Variants in RIC8B observed in about 807,000 individuals in gnomAD.
RIC8B encodes chaperone Ric-8B.
A neutral mutation model predicts 57.5 loss-of-function variants in RIC8B; 16 were observed. That is an observed-to-expected ratio of 0.28 (90% CI 0.19 to 0.42). The LOEUF is 0.42. Ranked by LOEUF, RIC8B falls within the 10% of genes least tolerant of loss-of-function variation. The pLI is 1.00. For synonymous variants in RIC8B, 216 were observed against 250.8 expected (o/e 0.86, Z 1.31); for missense variants, 481 against 677.0 (o/e 0.71, Z 3.21).
chr12:106,832,296 T>A (rs1301481540), intron 4 of RIC8B, among the ~76,000 whole-genome samples: 2 of 152,196 alleles, frequency 1.3e-5, no homozygotes, highest in African/African-American at 4.8e-5. Flanking sequence ...TTTCTCTCCT[T>A]CATTAAATTG....
intron 1 of RIC8B, among the ~76,000 whole-genome samples, chr12:106,780,142 A>G (rs1359708457): frequency 6.6e-6 from 1 of 152,156 alleles, no homozygotes; most frequent in African/African-American, 2.4e-5. Context: ...CAGGCTATTT[A>G]TGTTAGAGGA....
intron 9 of RIC8B, among the ~76,000 whole-genome samples, chr12:106,885,532 G>A (rs1593428539): frequency 6.7e-6 from 1 of 149,070 alleles, no homozygotes; most frequent in South Asian, 2.1e-4. Flanking sequence ...TGGGGCAGGT[G>A]AAATTTTGGC....
Position 106,879,778 on chromosome 12 carries a change from A to C in RIC8B, c.1572-6126A>C. The C allele has an allele frequency of 5.1e-6, 5 of 985,344 alleles. No individual in the cohort carries two copies. The highest frequency in any genetic ancestry group is 6.0e-6 in the Non-Finnish European group (5 of 829,922). The allele number at this position is 985,344 out of a possible 1,614,324, so 61.0% of individuals were successfully genotyped here. A position where few individuals can be genotyped will look rare whatever the true frequency, so the allele number is the denominator to read the frequency against. ...TCTAAATGATGTTTCGTTCCAGTTG[A>C]ACATTCTTGGAGGCTTATCTCTTCC... On this transcript the variant is annotated intron_variant, in intron 9 of 9. Transcript: ENST00000392837. The surrounding 1 kb of genome is among the most constrained non-coding windows in gnomAD (Gnocchi z 4.9).
chr12:106,851,324 T>C, intron 6 of RIC8B, 126 bp from the exon 7 acceptor site: 1 of 388,566 alleles, frequency 2.6e-6, no homozygotes, highest in Non-Finnish European at 4.1e-6. Flanking sequence ...CCTTTTTTTT[T>C]TTTTTTTTTT....
chr12:106,826,525 C>T (rs756056559), intron 4 of RIC8B, among the ~76,000 whole-genome samples: 27 of 151,932 alleles, frequency 1.8e-4, no homozygotes, highest in South Asian at 4.2e-4. Context: ...AGTCCAAGGC[C>T]GGTGGATCAC....
rs148067061 is a variant in RIC8B at position 106,857,747 on chromosome 12, A to T, written c.1307-2521A>T. On this transcript the variant is annotated intron_variant, in intron 7 of 9. Coordinates refer to ENST00000392837, the MANE Select transcript of RIC8B (RefSeq NM_001330145.2). ...TACTACTTTCCCAGTATCAAATAGG[A>T]TATTTTATGGTGTATTTGAAAACAG... 8.3e-4 allele frequency among the ~76,000 whole-genome samples: 127 copies of T among 152,282 alleles called. 1 individual carries two copies. Among genetic ancestry groups the T allele is most frequent in the African/African-American group, 2.8e-3 (118 of 41,550 alleles).
chr12:106,816,863 A>G (rs1487195810), intron 3 of RIC8B, among the ~76,000 whole-genome samples: 2 of 152,206 alleles, frequency 1.3e-5, no homozygotes, highest in Admixed American at 1.3e-4. Context: ...AGTAGCAAAT[A>G]CTCATTCTGT....
At position 106,886,462 on chromosome 12, in the gene RIC8B, T is replaced by C. The variant is rs1320357255; in HGVS notation, c.*447T>C. On this transcript the variant is annotated 3_prime_UTR_variant, in exon 10 of 10. Coordinates refer to ENST00000392837, the MANE Select transcript of RIC8B (RefSeq NM_001330145.2). ...AATAAAGCCTTGGGCAAGCGACTTCTTAGATCAGAACTCACCAAATGGAAG... is the reference window on the plus strand; with the variant it reads ...AATAAAGCCTTGGGCAAGCGACTTCCTAGATCAGAACTCACCAAATGGAAG... 1.3e-5 allele frequency: 2 copies of C among 156,884 alleles called. No homozygotes were observed. Among genetic ancestry groups the C allele is most frequent in the African/African-American group, 2.4e-5 (1 of 41,498 alleles). The allele number at this position is 156,884 out of a possible 1,614,324, so 9.7% of individuals were successfully genotyped here.
At chr12:106,822,749 C>T (rs1031502769) in intron 3 of RIC8B, 2 of 152,234 alleles carry the variant, frequency 1.3e-5, no homozygotes, top group Non-Finnish European at 2.9e-5. Flanking sequence ...TGGGGACCAG[C>T]AGTGGTACAC....
chr12:106,851,494 C>T lies in RIC8B; in HGVS notation c.1206C>T (p.Gly402=). 6.2e-7 allele frequency: 1 copy of T among 1,613,688 alleles called. No homozygotes were observed. Among genetic ancestry groups the T allele is most frequent in the South Asian group, 1.1e-5 (1 of 91,056 alleles). The part of the protein sequence containing the change: ...LRDVTNRPEV[G]STVRNKLVRL... ...ATGTGACAAATCGACCTGAAGTTGG[C>T]TCAACTGTGAGAAATAAGCTGGTGC... Residue 402 remains glycine, a synonymous_variant, in exon 7 of 10, where the codon GGC becomes GGT. Transcript: ENST00000392837.
At chr12:106,806,907 C>A (rs1380935735) in intron 2 of RIC8B, among the ~76,000 whole-genome samples, 1 of 152,178 alleles carries the variant, frequency 6.6e-6, no homozygotes, top group African/African-American at 2.4e-5. Context: ...AGGGCTCCAG[C>A]CACATACATT....
chr12:106,780,223 C>T lies in RIC8B; in HGVS notation c.85-3774C>T, dbSNP rs565402372. On this transcript the variant is annotated intron_variant, in intron 1 of 9. Coordinates refer to ENST00000392837, the MANE Select transcript of RIC8B (RefSeq NM_001330145.2). The stretch of plus-strand genomic sequence containing the variant: ...CATCAACTATGATGATAACCAGAGA[C>T]GTGGCTTGGTGGCCCTGCAGGCCAC... Among the ~76,000 whole-genome samples, 125 of 152,194 alleles carry T rather than the reference C, an allele frequency of 8.2e-4. 1 individual carries two copies. The highest frequency in any genetic ancestry group is 3.4e-3 in the Middle Eastern group (1 of 294).
chr12:106,828,295 C>T (rs571548260), intron 4 of RIC8B, among the ~76,000 whole-genome samples: 2 of 152,086 alleles, frequency 1.3e-5, no homozygotes, highest in South Asian at 4.1e-4. Flanking sequence ...TGATTAGTAT[C>T]ATTTTGAGCA....
At position 106,867,980 on chromosome 12, in the gene RIC8B, C is replaced by CAGAT. The variant is rs906831589; in HGVS notation, c.1452-2840_1452-2837dup. Among the ~76,000 whole-genome samples, 19 of 152,308 alleles carry CAGAT rather than the reference C, an allele frequency of 1.2e-4. No individual in the cohort carries two copies. The highest frequency in any genetic ancestry group is 7.9e-4 in the Admixed American group (12 of 15,284). On this transcript the variant is annotated intron_variant, in intron 8 of 9. Coordinates refer to ENST00000392837, the MANE Select transcript of RIC8B (RefSeq NM_001330145.2). This position sits in a 1 kb window ranked among gnomAD's most constrained non-coding sequence, Gnocchi z 4.3. ...AATTTCTGCCTTCTGCTTTTATACTCAGATAGCAAGAATTGTGTTACTTTA... is the reference window on the plus strand; with the variant it reads ...AATTTCTGCCTTCTGCTTTTATACTCAGATAGATAGCAAGAATTGTGTTACTTTA...
intron 2 of RIC8B, among the ~76,000 whole-genome samples, chr12:106,800,232 G>A (rs2044669127): frequency 6.6e-6 from 1 of 152,058 alleles, no homozygotes; most frequent in Admixed American, 6.6e-5. Context: ...GGTTTAATTG[G>A]CTCACAGTTC....
chr12:106,783,249 T>C (rs554399403), intron 1 of RIC8B, among the ~76,000 whole-genome samples: 1 of 152,340 alleles, frequency 6.6e-6, no homozygotes, highest in Non-Finnish European at 1.5e-5. Flanking sequence ...TTGTGCTTTA[T>C]ATACATGCCT....
chr12:106,843,849 TAG>T lies in RIC8B; in HGVS notation c.1066-2_1066-1del. On this transcript the variant is annotated splice_acceptor_variant, in intron 5 of 9. Transcript: ENST00000392837. LOFTEE classifies it high-confidence loss of function. ...CAAAAACATATGGTTTTTTTTTTTA[TAG>T]GGAAGCAGCTATAGAGAGGGTCTAA... The T allele has an allele frequency of 2.5e-6, 4 of 1,590,194 alleles. No individual in the cohort carries two copies. Among genetic ancestry groups the T allele is most frequent in the Middle Eastern group, 1.7e-4 (1 of 5,954 alleles).
intron 3 of RIC8B, among the ~76,000 whole-genome samples, chr12:106,818,946 A>C (rs978919444): frequency 1.3e-5 from 2 of 151,716 alleles, no homozygotes; most frequent in Non-Finnish European, 2.9e-5. Context: ...TTATATTTTT[A>C]GTAGAGATGG....
chr12:106,871,255 T>G (rs1350156696), intron 9 of RIC8B: 2 of 196,164 alleles, frequency 1.0e-5, no homozygotes, highest in Non-Finnish European at 2.0e-5. Flanking sequence ...ATTTTGCTGC[T>G]GCTTGTATTT....
Sources: gnomAD v4.1 joint callset for allele counts (sites outside exome capture counted in the v4.1 genomes callset) on GRCh38, gnomAD v4.1.1 for gene constraint, Gnocchi (gnomAD v3.1) non-coding constraint, MANE v1.5 for transcripts, NCBI Gene and HGNC (gene_info 2026-07-23, HGNC 2026-07-21) for gene names.